Variants in KIF16B observed in about 807,000 individuals in gnomAD.
KIF16B encodes kinesin-like protein KIF16B.
KIF16B carries 98 observed loss-of-function variants against 156.3 expected under a neutral mutation model. That is an observed-to-expected ratio of 0.63 (90% CI 0.53 to 0.74). The LOEUF (loss-of-function observed/expected upper bound fraction) is 0.74, where lower values mean the gene tolerates loss of function less well. Ranked by LOEUF, KIF16B falls within the 30% of genes least tolerant of loss-of-function variation. The probability of loss-of-function intolerance (pLI) is 0.00; values close to 1 mark genes in which losing one functional copy is unlikely to be tolerated. For missense variants in KIF16B, 1,421 were observed against 1,606.5 expected, an observed-to-expected ratio of 0.88 and a Z score of 1.97; for synonymous variants, 564 against 583.7, an observed-to-expected ratio of 0.97 and a Z score of 0.49.
Position 16,379,859 on chromosome 20 carries a change from GTTCT to G in KIF16B, c.2139_2142del (p.Lys713AsnfsTer38). On this transcript the variant is annotated frameshift_variant, in exon 19 of 26. Coordinates refer to ENST00000354981, the MANE Select transcript of KIF16B (RefSeq NM_024704.5). LOFTEE classifies it high-confidence loss of function. ...TTCTCAGCCTTCTCGTTGTTGTTGAGTTCTTTGAGTCGTTGGAGTTCTTCTTGGA... is the reference window on the plus strand; with the variant it reads ...TTCTCAGCCTTCTCGTTGTTGTTGAGTTGAGTCGTTGGAGTTCTTCTTGGA... 1 of 1,614,188 alleles carries G rather than the reference GTTCT, an allele frequency of 6.2e-7. No homozygotes were observed. The highest frequency in any genetic ancestry group is 8.5e-7 in the Non-Finnish European group (1 of 1,180,044).
intron 22 of KIF16B, among the ~76,000 whole-genome samples, chr20:16,361,996 G>T (rs867690976): frequency 3.9e-5 from 6 of 152,330 alleles, no homozygotes; most frequent in Middle Eastern, 3.4e-3. Flanking sequence ...ATTAACGGCT[G>T]ATTTTAAAAA....
In KIF16B at chr20:16,360,591, A is replaced by G. The variant is rs556780407; in HGVS notation, c.3499-4139T>C. Among the ~76,000 whole-genome samples the G allele has an allele frequency of 3.3e-5, 5 of 152,354 alleles. No homozygotes were observed. The South Asian group carries it at 1.0e-3, about 32-fold the overall frequency. Reference sequence around the variant, plus strand: ...ATGGAGTGATCCTATTTAGAAATAAAAAGTCAAGAAAAAGTAGATAATTGG... The same window carrying G: ...ATGGAGTGATCCTATTTAGAAATAAGAAGTCAAGAAAAAGTAGATAATTGG... On this transcript the variant is annotated intron_variant, in intron 22 of 25. Coordinates refer to ENST00000354981, the MANE Select transcript of KIF16B (RefSeq NM_024704.5).
Position 16,360,779 on chromosome 20 carries a change from A to G in KIF16B, c.3499-4327T>C, listed in dbSNP as rs371056250. On this transcript the variant is annotated intron_variant, in intron 22 of 25. Coordinates refer to ENST00000354981, the MANE Select transcript of KIF16B (RefSeq NM_024704.5). ...AGTCCAGTCCTTAGCTGAAAGAAAT[A>G]GGCAGAACATAAGGTACATTGTAAA... is the stretch of plus-strand genomic sequence containing the variant. Among the ~76,000 whole-genome samples, 19 of 152,352 alleles carry G rather than the reference A, an allele frequency of 1.2e-4. No homozygotes were observed. The East Asian group carries it at 1.7e-3, about 14-fold the overall frequency.
At chr20:16,533,817 T>C (rs1473484921) in intron 1 of KIF16B, among the ~76,000 whole-genome samples, 1 of 152,168 alleles carries the variant, frequency 6.6e-6, no homozygotes. Flanking sequence ...CAGCCAATAA[T>C]TTAAAATCAT....
chr20:16,471,713 G>A (rs1454765878), intron 12 of KIF16B, among the ~76,000 whole-genome samples: 1 of 152,104 alleles, frequency 6.6e-6, no homozygotes, highest in Non-Finnish European at 1.5e-5. Context: ...GCAAGCTGAG[G>A]GTTCTTTTGA....
chr20:16,427,268 A>T (rs986899918), intron 14 of KIF16B, 27 bp from the exon 15 acceptor site: 1 of 1,592,994 alleles, frequency 6.3e-7, no homozygotes, highest in Non-Finnish European at 8.5e-7. Context: ...AAGTAGAAAG[A>T]ATTTTTCCCC....
chr20:16,339,919 A>AT (rs1244467320), intron 23 of KIF16B, among the ~76,000 whole-genome samples: 10 of 152,018 alleles, frequency 6.6e-5, no homozygotes, highest in South Asian at 4.2e-4. Flanking sequence ...TCCTTCCTTC[A>AT]TTTTTTTCTC....
At chr20:16,404,731 T>C in intron 17 of KIF16B, 82 bp downstream of exon 17, 1 of 1,106,806 alleles carries the variant, frequency 9.0e-7, no homozygotes, top group Non-Finnish European at 1.4e-6. Flanking sequence ...AAGTTTTATT[T>C]TTACCTTGTG....
Position 16,409,967 on chromosome 20 carries a change from A to G in KIF16B, c.1613-3511T>C, listed in dbSNP as rs1480109403. Among the ~76,000 whole-genome samples, 53 of 30,118 alleles carry G rather than the reference A, an allele frequency of 1.8e-3. 2 individuals are homozygous for G. The highest frequency in any genetic ancestry group is 7.4e-3 in the African/African-American group (50 of 6,764). 19.8% of individuals were successfully genotyped at this position (30,118 alleles called of 152,430 possible). A position where few individuals can be genotyped will look rare whatever the true frequency, so the allele number is the denominator to read the frequency against. ...TACCTACATATATATATATATATAT[A>G]TACATATATATATATATATATATAT... On this transcript the variant is annotated intron_variant, in intron 15 of 25. Coordinates refer to ENST00000354981, the MANE Select transcript of KIF16B (RefSeq NM_024704.5).
In KIF16B at chr20:16,337,078, C is replaced by T. The variant is rs141088016; in HGVS notation, c.3622-1063G>A. Among the ~76,000 whole-genome samples, 629 of 152,336 alleles carry T rather than the reference C, an allele frequency of 4.1e-3. 1 individual carries two copies. Among genetic ancestry groups the T allele is most frequent in the Non-Finnish European group, 6.5e-3 (441 of 68,026 alleles). ...CATGCTGCTCATAGAAAAAGACCTACATTTTTAACCTGCCCACAGCAGCCT... is the reference window on the plus strand; with the variant it reads ...CATGCTGCTCATAGAAAAAGACCTATATTTTTAACCTGCCCACAGCAGCCT... On this transcript the variant is annotated intron_variant, in intron 23 of 25. Coordinates refer to ENST00000354981, the MANE Select transcript of KIF16B (RefSeq NM_024704.5).
chr20:16,326,478 A>C (rs141619558), intron 24 of KIF16B, among the ~76,000 whole-genome samples: 208 of 151,920 alleles, frequency 1.4e-3, no homozygotes, highest in African/African-American at 4.5e-3. Flanking sequence ...AGAAAAAAAA[A>C]CCCAAATAAT....
chr20:16,404,999 C>T (rs2065746652), intron 16 of KIF16B, 98 bp from the exon 17 acceptor site: 3 of 790,410 alleles, frequency 3.8e-6, no homozygotes, highest in Admixed American at 2.1e-5. Flanking sequence ...CAATGAGGTG[C>T]ACATGCTCCT....
At chr20:16,541,796 A>G (rs963559443) in intron 1 of KIF16B, among the ~76,000 whole-genome samples, 1 of 152,228 alleles carries the variant, frequency 6.6e-6, no homozygotes, top group Admixed American at 6.5e-5. Context: ...ACCCATGGAC[A>G]GCCTTGGCCA....
At chr20:16,521,759 G>T (rs1365025372) in intron 3 of KIF16B, among the ~76,000 whole-genome samples, 1 of 152,076 alleles carries the variant, frequency 6.6e-6, no homozygotes, top group African/African-American at 2.4e-5. Context: ...AAATGTTAAG[G>T]GCAGCCAGAG....
intron 12 of KIF16B, among the ~76,000 whole-genome samples, chr20:16,456,284 G>A (rs971264436): frequency 2.6e-5 from 4 of 152,116 alleles, no homozygotes; most frequent in Non-Finnish European, 5.9e-5. Context: ...GACTCAGTTT[G>A]GAATACATAG....
intron 12 of KIF16B, among the ~76,000 whole-genome samples, chr20:16,448,876 C>CAGAG (rs138248990): frequency 0.11 from 16,137 of 145,350 alleles, 1,107 homozygotes; most frequent in East Asian, 0.27. Flanking sequence ...AGAAATATGA[C>CAGAG]AGAGAGAGAG....
intron 23 of KIF16B, among the ~76,000 whole-genome samples, chr20:16,344,009 AG>A (rs2064186620): frequency 6.6e-6 from 1 of 152,196 alleles, no homozygotes; most frequent in African/African-American, 2.4e-5. Context: ...TGATTTGAAA[AG>A]TTTAGGCTCT....
chr20:16,306,834 A>C (rs2063548035), intron 25 of KIF16B, among the ~76,000 whole-genome samples: 2 of 152,156 alleles, frequency 1.3e-5, no homozygotes, highest in African/African-American at 4.8e-5. Flanking sequence ...TTTTCTTTGT[A>C]CCAGATTCCG....
At position 16,283,826 on chromosome 20, in the gene KIF16B, GA is replaced by G. The variant is rs1488739732; in HGVS notation, c.3796-10416del. 2.0e-5 allele frequency among the ~76,000 whole-genome samples: 3 copies of G among 152,138 alleles called. No homozygotes were observed. In the East Asian group the frequency reaches 5.8e-4, roughly 29 times the overall value. Reference sequence around the variant, plus strand: ...GCTCCTATCTGGAAGCCCTGGGGAAGAACCACTTCCAAACTCCTTCAGGTTG... The same window carrying G: ...GCTCCTATCTGGAAGCCCTGGGGAAGACCACTTCCAAACTCCTTCAGGTTG... On this transcript the variant is annotated intron_variant, in intron 25 of 25. Transcript: ENST00000354981.
Sources: gnomAD v4.1 joint callset for allele counts (sites outside exome capture counted in the v4.1 genomes callset) on GRCh38, gnomAD v4.1.1 for gene constraint, MANE v1.5 for transcripts, NCBI Gene and HGNC (gene_info 2026-07-23, HGNC 2026-07-21) for gene names.